The following CEP85L variants were observed in gnomAD, a reference collection of about 807,000 sequenced individuals.
CEP85L encodes the protein centrosomal protein 85L.
In CEP85L, 60 loss-of-function variants were observed where a neutral mutation model predicts 100.3. The ratio of observed to expected loss-of-function variants is 0.60; its 90% CI spans 0.49 to 0.74. The LOEUF is 0.74. CEP85L is among the 30% of genes least tolerant of loss of function. The pLI is 0.00. For synonymous variants in CEP85L, 319 were observed against 322.7 expected (o/e 0.99, Z 0.12); for missense variants, 973 against 936.2 (o/e 1.04, Z -0.51).
At chr6:118,598,917 T>C (rs1021799805) in intron 2 of CEP85L, among the ~76,000 whole-genome samples, 1 of 152,118 alleles carries the variant, frequency 6.6e-6, no homozygotes, top group Non-Finnish European at 1.5e-5. Context: ...AGGGAAGTTA[T>C]AGATAAGCAA....
chr6:118,543,201 C>A (rs904322530), intron 3 of CEP85L, among the ~76,000 whole-genome samples: 1 of 152,022 alleles, frequency 6.6e-6, no homozygotes, highest in Non-Finnish European at 1.5e-5. Flanking sequence ...GTTACACACA[C>A]GTCAAAGTGT....
chr6:118,665,064 T>C (rs1371452520), intron 1 of CEP85L, among the ~76,000 whole-genome samples: 1 of 152,202 alleles, frequency 6.6e-6, no homozygotes. Context: ...AAGCCCATTT[T>C]GTTCCTTCAG....
At chr6:118,661,632 C>T (rs987175278) in intron 1 of CEP85L, among the ~76,000 whole-genome samples, 1 of 151,716 alleles carries the variant, frequency 6.6e-6, no homozygotes, top group Non-Finnish European at 1.5e-5. Flanking sequence ...CAAAAAAAAT[C>T]AGAAAAAAGT....
intron 10 of CEP85L, among the ~76,000 whole-genome samples, chr6:118,475,351 T>C (rs12205112): frequency 0.39 from 26,455 of 66,990 alleles, 3,950 homozygotes; most frequent in African/African-American, 0.47. Context: ...GGTGACATTT[T>C]TTTTTTTTTT....
At chr6:118,501,372 G>C (rs1284480925) in intron 5 of CEP85L, 1 of 361,502 alleles carries the variant, frequency 2.8e-6, no homozygotes, top group Admixed American at 3.9e-5. Context: ...ATGTGTGCCA[G>C]GTGGCACAAG....
At chr6:118,658,062 A>G (rs1452019411) in intron 1 of CEP85L, among the ~76,000 whole-genome samples, 1 of 152,164 alleles carries the variant, frequency 6.6e-6, no homozygotes, top group Non-Finnish European at 1.5e-5. Context: ...AACATCACTT[A>G]AACAATCCCT....
chr6:118,534,450 C>T (rs1267050386), intron 3 of CEP85L, among the ~76,000 whole-genome samples: 2 of 151,632 alleles, frequency 1.3e-5, no homozygotes, highest in African/African-American at 2.4e-5. Flanking sequence ...GTAAGGAGTT[C>T]GAGACCAGCC....
intron 1 of CEP85L, among the ~76,000 whole-genome samples, chr6:118,701,984 C>A (rs1172693798): frequency 6.6e-6 from 1 of 152,170 alleles, no homozygotes; most frequent in South Asian, 2.1e-4. Context: ...TGTTCTCTCT[C>A]ATCCAGTAGG....
At chr6:118,502,379 T>C in intron 5 of CEP85L, 4 of 524,278 alleles carry the variant, frequency 7.6e-6, no homozygotes, top group East Asian at 8.6e-5. Flanking sequence ...TTAAGACAGA[T>C]AGTTTGCTGG....
Position 118,632,536 on chromosome 6 carries a change from C to T in CEP85L, c.149G>A (p.Arg50Gln), listed in dbSNP as rs371962633. ...ACTGTGTCTCCTGATATGGTTATTT[C>T]GATGGTTAGATGGAACAGTTGTGGC... ...WQATTVPSNH[R>Q]NNHIRRHSIA... is the part of the protein sequence containing the mutation. The change falls in exon 2 of 13, where the codon CGA becomes CAA. Residue 50 changes from arginine (R) to glutamine (Q), a missense_variant. Around this residue, in one of 3 missense-constraint regions of CEP85L, gnomAD observed 79 missense variants for 73.3 expected, o/e 1.08. Coordinates refer to ENST00000368491, the MANE Select transcript of CEP85L (RefSeq NM_001042475.3). 7 of 1,612,942 alleles carry T rather than the reference C, an allele frequency of 4.3e-6. No homozygotes were observed. Among genetic ancestry groups the T allele is most frequent in the East Asian group, 2.2e-5 (1 of 44,856 alleles).
At chr6:118,529,608 C>CAAAAA (rs55732442) in intron 3 of CEP85L, among the ~76,000 whole-genome samples, 3 of 92,490 alleles carry the variant, frequency 3.2e-5, no homozygotes, top group Admixed American at 1.3e-4. Context: ...ACTCTGTCTC[C>CAAAAA]AAAAAAAAAA....
intron 5 of CEP85L, among the ~76,000 whole-genome samples, chr6:118,510,077 T>C (rs1230467057): frequency 6.6e-5 from 10 of 152,106 alleles, no homozygotes; most frequent in African/African-American, 2.4e-5. Context: ...TTTTCCTATA[T>C]GGTCTCTCCC....
At chr6:118,546,489 T>C (rs1778210829) in intron 3 of CEP85L, among the ~76,000 whole-genome samples, 1 of 152,166 alleles carries the variant, frequency 6.6e-6, no homozygotes, top group Non-Finnish European at 1.5e-5. Flanking sequence ...GTGTAACTGG[T>C]AGACAAACTT....
intron 3 of CEP85L, among the ~76,000 whole-genome samples, chr6:118,526,296 G>A (rs1164720760): frequency 2.6e-5 from 4 of 152,140 alleles, no homozygotes; most frequent in African/African-American, 7.2e-5. Context: ...TGTGCGGACT[G>A]TCTCTTTCAC....
chr6:118,514,563 G>A (rs1397732042), intron 4 of CEP85L, among the ~76,000 whole-genome samples: 4 of 149,018 alleles, frequency 2.7e-5, no homozygotes, highest in Non-Finnish European at 5.9e-5. Flanking sequence ...TACCAATATA[G>A]GAGATTTAAA....
At chr6:118,597,305 C>T (rs1295679351) in intron 2 of CEP85L, among the ~76,000 whole-genome samples, 1 of 152,200 alleles carries the variant, frequency 6.6e-6, no homozygotes, top group East Asian at 1.9e-4. Context: ...ACAGTACCTA[C>T]TAATCATGCC....
At position 118,651,518 on chromosome 6, in the gene CEP85L, C is replaced by G; in HGVS notation, c.-249G>C. ...CCGCGCCGGGGAAGCGGCGACTCGG[C>G]GGTGACGGCTGCTAGATCCCCGGCT... On this transcript the variant is annotated 5_prime_UTR_variant, in exon 1 of 13. Transcript: ENST00000368491. 7.9e-7 allele frequency: 1 copy of G among 1,269,038 alleles called. No individual in the cohort carries two copies. The highest frequency in any genetic ancestry group is 4.3e-5 in the Admixed American group (1 of 23,248). The allele number at this position is 1,269,038 out of a possible 1,614,324, so 78.6% of individuals were successfully genotyped here.
intron 5 of CEP85L, chr6:118,502,018 G>A: frequency 1.2e-6 from 1 of 834,498 alleles, no homozygotes. Context: ...GTGGGAATTT[G>A]AAAGAAGAAA....
intron 8 of CEP85L, among the ~76,000 whole-genome samples, chr6:118,481,154 GCC>G (rs1452542601): frequency 2.0e-5 from 3 of 151,816 alleles, no homozygotes; most frequent in African/African-American, 7.3e-5. Context: ...AGAAATAGGA[GCC>G]AATCACTTCA....
Sources: allele counts gnomAD v4.1 joint callset (sites outside exome capture counted in the v4.1 genomes callset), GRCh38; gene constraint gnomAD v4.1.1; regional missense constraint gnomAD v4.1.1; transcripts MANE v1.5; gene names NCBI Gene and HGNC (gene_info 2026-07-23, HGNC 2026-07-21).